The following RELCH variants were observed in gnomAD, a reference collection of about 807,000 sequenced individuals.
The protein encoded by RELCH is RAB11-binding protein RELCH.
RELCH carries 41 observed loss-of-function variants against 150.3 expected under a neutral mutation model. The observed-to-expected ratio is 0.27, with a 90% CI of 0.21 to 0.35. The LOEUF (loss-of-function observed/expected upper bound fraction) is 0.35. RELCH is among the 10% of genes least tolerant of loss of function. The probability of loss-of-function intolerance (pLI) is 1.00; values close to 1 mark genes in which losing one functional copy is unlikely to be tolerated. For missense variants in RELCH, 1,092 were observed against 1,467.8 expected (o/e 0.74, Z 4.18); for synonymous variants, 478 against 531.8 (o/e 0.90, Z 1.39).
At chr18:62,192,154 G>C (rs2038689996) in intron 1 of RELCH, among the ~76,000 whole-genome samples, 1 of 152,180 alleles carries the variant, frequency 6.6e-6, no homozygotes, top group Admixed American at 6.5e-5. Flanking sequence ...CAGTGATGTT[G>C]AGCCTTTTTT....
intron 25 of RELCH, chr18:62,285,477 C>T (rs1403804212): frequency 1.3e-5 from 2 of 152,218 alleles, no homozygotes; most frequent in Non-Finnish European, 2.9e-5. Context: ...CTGTCTAAGT[C>T]AGGCATGGTG....
At chr18:62,299,770 A>G (rs928434035) in intron 28 of RELCH, among the ~76,000 whole-genome samples, 1 of 152,154 alleles carries the variant, frequency 6.6e-6, no homozygotes, top group East Asian at 1.9e-4. Flanking sequence ...ATTTCTATAC[A>G]TGTTATAACT....
At chr18:62,268,627 T>A (rs2043717202) in intron 19 of RELCH, 1 of 233,274 alleles carries the variant, frequency 4.3e-6, no homozygotes. Context: ...ATCAAGAGTA[T>A]ACCATCTCAT....
Position 62,258,017 on chromosome 18 carries a change from G to A in RELCH, c.1966G>A (p.Val656Ile). The A allele has an allele frequency of 6.2e-7, 1 of 1,607,570 alleles. No homozygotes were observed. Among genetic ancestry groups the A allele is most frequent in the Non-Finnish European group, 8.5e-7 (1 of 1,176,144 alleles). Residue 656 changes from valine to isoleucine, a missense_variant, in exon 14 of 29, where the codon GTA (valine) becomes ATA (isoleucine). Physicochemically the swap from Val to Ile is conservative, Grantham distance 29 (BLOSUM62 3). Around this residue, in one of 4 missense-constraint regions of RELCH, gnomAD observed 707 missense variants for 1,025.4 expected, o/e 0.69. Transcript: ENST00000644646. ...GTTAATGGAAGATAAGGCAGATTTG[G>A]TAAGAGAAGCTGTTATCAAAAGCCT... ...QMLMEDKADLVREAVIKSLGI... is the reference protein window; with the variant it reads ...QMLMEDKADLIREAVIKSLGI...
intron 1 of RELCH, among the ~76,000 whole-genome samples, chr18:62,206,515 A>C (rs1257614609): frequency 6.6e-6 from 1 of 152,230 alleles, no homozygotes; most frequent in Non-Finnish European, 1.5e-5. Flanking sequence ...GGTGGAGTCC[A>C]AATCTGTATT....
chr18:62,231,811 G>A (rs1307309096), intron 9 of RELCH, among the ~76,000 whole-genome samples: 1 of 151,740 alleles, frequency 6.6e-6, no homozygotes, highest in Admixed American at 6.6e-5. Context: ...ACTTGCCATG[G>A]GCTTCTGTTC....
At chr18:62,258,475 C>G in intron 14 of RELCH, 37 bp from the exon 15 acceptor site, 6 of 1,553,266 alleles carry the variant, frequency 3.9e-6, no homozygotes, top group Non-Finnish European at 4.4e-6. Context: ...AAGTTTATCC[C>G]TTTAAAAATC....
rs767922538 is a variant in RELCH, at chr18:62,228,442, G to A, written c.1292G>A (p.Gly431Glu). The A allele has an allele frequency of 3.1e-6, 5 of 1,613,176 alleles. 1 individual carries two copies. The Admixed American group carries it at 6.7e-5, about 22-fold the overall frequency. Residue 431 changes from glycine to glutamate, a missense_variant, in exon 8 of 29, where the codon GGA (glycine) becomes GAA (glutamate). Physicochemically the swap from Gly to Glu is moderately conservative, Grantham distance 98. Around this residue, in one of 4 missense-constraint regions of RELCH, gnomAD observed 707 missense variants for 1,025.4 expected, o/e 0.69. Coordinates refer to ENST00000644646, the MANE Select transcript of RELCH (RefSeq NM_001346231.2). ...QHPDVNSSDKGKNTDIHLSIS... is the reference protein window; with the variant it reads ...QHPDVNSSDKEKNTDIHLSIS... ...CCAGATGTAAATAGTTCAGACAAGG[G>A]AAAAAACACAGACATCCATCTTTCA...
Position 62,221,394 on chromosome 18 carries a change from A to C in RELCH, c.755A>C (p.Lys252Thr). 1 of 1,599,764 alleles carries C rather than the reference A, an allele frequency of 6.3e-7. No homozygotes were observed. ...TTATTTTGCTTCCAGGAGCCAATCAAACCTCTTGAAAAGAGAGCTCTAAAC... is the reference window on the plus strand; with the variant it reads ...TTATTTTGCTTCCAGGAGCCAATCACACCTCTTGAAAAGAGAGCTCTAAAC... ...KSSPEIQEPI[K>T]PLEKRALNFL... Residue 252 changes from lysine to threonine, a missense_variant, in exon 5 of 29, where the codon AAA (lysine) becomes ACA (threonine). Around this residue, in one of 4 missense-constraint regions of RELCH, gnomAD observed 190 missense variants for 276.2 expected, o/e 0.69. Coordinates refer to ENST00000644646, the MANE Select transcript of RELCH (RefSeq NM_001346231.2).
chr18:62,308,036 A>G lies in RELCH; in HGVS notation c.*2502A>G, dbSNP rs77791223. Reference sequence around the variant, plus strand: ...TTAAGTCATGCCATCCTCATTATCCATAGCTTTTAGGATATGTCACTACTA... The same window carrying G: ...TTAAGTCATGCCATCCTCATTATCCGTAGCTTTTAGGATATGTCACTACTA... On this transcript the variant is annotated 3_prime_UTR_variant, in exon 29 of 29. Transcript: ENST00000644646. The G allele has an allele frequency of 1.3e-5, 2 of 152,292 alleles. No homozygotes were observed. Among genetic ancestry groups the G allele is most frequent in the Non-Finnish European group, 2.9e-5 (2 of 68,032 alleles). 9.4% of individuals were successfully genotyped at this position (152,292 alleles called of 1,614,324 possible).
At chr18:62,220,079 A>G (rs1027106243) in intron 2 of RELCH, among the ~76,000 whole-genome samples, 2 of 152,120 alleles carry the variant, frequency 1.3e-5, no homozygotes, top group Middle Eastern at 3.2e-3. Flanking sequence ...CATTTTAAAG[A>G]GCTTATTAAA....
intron 15 of RELCH, among the ~76,000 whole-genome samples, chr18:62,260,226 ATGATCTGAATAAACACTTCTC>A (rs1568394667): frequency 1.4e-5 from 2 of 145,168 alleles, no homozygotes. Context: ...GAATGGGCAA[ATGATCTGAATAAACACTTCTC>A]AAAAGAAGAC....
intron 1 of RELCH, among the ~76,000 whole-genome samples, chr18:62,191,915 A>G (rs1261552775): frequency 6.6e-6 from 1 of 152,188 alleles, no homozygotes; most frequent in Non-Finnish European, 1.5e-5. Flanking sequence ...ATACCCAGTA[A>G]TGGGATTGCT....
chr18:62,268,761 A>T, intron 19 of RELCH, 108 bp from the exon 20 acceptor site: 2 of 526,032 alleles, frequency 3.8e-6, no homozygotes, highest in Non-Finnish European at 6.5e-6. Context: ...GATAATACTT[A>T]CTTGTAACCT....
chr18:62,292,659 C>T (rs190037120), intron 27 of RELCH, among the ~76,000 whole-genome samples: 51 of 152,310 alleles, frequency 3.3e-4, no homozygotes, highest in Non-Finnish European at 5.9e-4. Context: ...ACCAGAATTA[C>T]TGTCTGTCTC....
chr18:62,236,150 T>C (rs533818795), intron 10 of RELCH, among the ~76,000 whole-genome samples: 1 of 152,124 alleles, frequency 6.6e-6, no homozygotes, highest in African/African-American at 2.4e-5. Context: ...TTGCTAAATA[T>C]TCTTATCATA....
chr18:62,255,220 C>G (rs1401431511), intron 12 of RELCH, among the ~76,000 whole-genome samples, 187 bp from the exon 13 acceptor site: 1 of 152,018 alleles, frequency 6.6e-6, no homozygotes, highest in Non-Finnish European at 1.5e-5. Flanking sequence ...CCCCTGTAAC[C>G]TCATATTTAG....
intron 24 of RELCH, among the ~76,000 whole-genome samples, chr18:62,281,020 C>T (rs1339927791): frequency 6.6e-6 from 1 of 152,150 alleles, no homozygotes; most frequent in Non-Finnish European, 1.5e-5. Context: ...AAGCCCCTTC[C>T]TCTTCCCTCT....
intron 23 of RELCH, 77 bp downstream of exon 23, chr18:62,279,933 A>C (rs2044415895): frequency 1.2e-6 from 1 of 860,062 alleles, no homozygotes; most frequent in African/African-American, 1.7e-5. Context: ...TCAGCTCTTA[A>C]ATTTATTGAA....
Sources: gnomAD v4.1 joint callset for allele counts (sites outside exome capture counted in the v4.1 genomes callset) on GRCh38, gnomAD v4.1.1 for gene constraint, gnomAD v4.1.1 regional missense constraint, MANE v1.5 for transcripts, NCBI Gene and HGNC (gene_info 2026-07-23, HGNC 2026-07-21) for gene names.